Variants in STAT4 observed in about 807,000 individuals in gnomAD.
STAT4 encodes signal transducer and activator of transcription 4.
In STAT4, 42 loss-of-function variants were observed where a neutral mutation model predicts 110.5. That is an observed-to-expected ratio of 0.38 (90% CI 0.30 to 0.49). The LOEUF (loss-of-function observed/expected upper bound fraction) is 0.49. STAT4 is among the 20% of genes least tolerant of loss of function. STAT4 has a pLI of 0.95. For missense variants in STAT4, 632 were observed against 887.9 expected, an observed-to-expected ratio of 0.71 and a Z score of 3.66; for synonymous variants, 284 against 302.2, an observed-to-expected ratio of 0.94 and a Z score of 0.63.
chr2:191,055,476 C>T (rs1559046607), intron 13 of STAT4, among the ~76,000 whole-genome samples: 1 of 148,882 alleles, frequency 6.7e-6, no homozygotes, highest in African/African-American at 2.5e-5. Flanking sequence ...GCCTCGGCCT[C>T]CCAAAGTGCT....
intron 4 of STAT4, among the ~76,000 whole-genome samples, chr2:191,074,481 G>A (rs1411714043): frequency 6.6e-6 from 1 of 152,256 alleles, no homozygotes; most frequent in Admixed American, 6.5e-5. Context: ...GTGGTAGTAT[G>A]TGGTATTAGC....
Position 191,062,965 on chromosome 2 carries a change from T to A in STAT4, c.783-45A>T. ...AATCAAAGATAGTTTTTCCACTTAA[T>A]AATAAAAAAGCATTGTAACAATGGG... On this transcript the variant is annotated intron_variant, in intron 8 of 23. Transcript: ENST00000392320. The surrounding 1 kb of genome is among the most constrained non-coding windows in gnomAD (Gnocchi z 4.9). The A allele has an allele frequency of 6.4e-7, 1 of 1,563,324 alleles. No individual in the cohort carries two copies. The highest frequency in any genetic ancestry group is 8.7e-7 in the Non-Finnish European group (1 of 1,152,586).
At position 191,140,117 on chromosome 2, in the gene STAT4, A is replaced by G. The variant is rs925006545; in HGVS notation, c.273+6496T>C. ...AACTCAACATGGATCAAAGATTTAA[A>G]TCTAAGACCTGAAGCCATAAAAATT... On this transcript the variant is annotated intron_variant, in intron 3 of 23. Coordinates refer to ENST00000392320, the MANE Select transcript of STAT4 (RefSeq NM_003151.4). This position sits in a 1 kb window ranked among gnomAD's most constrained non-coding sequence, Gnocchi z 4.4. 3.3e-5 allele frequency among the ~76,000 whole-genome samples: 5 copies of G among 152,250 alleles called. No homozygotes were observed. Among genetic ancestry groups the G allele is most frequent in the African/African-American group, 1.2e-4 (5 of 41,470 alleles).
Position 191,046,975 on chromosome 2 carries a change from G to A in STAT4, c.1252-5827C>T, listed in dbSNP as rs972546507. On this transcript the variant is annotated intron_variant, in intron 14 of 23. Transcript: ENST00000392320. The surrounding 1 kb of genome is among the most constrained non-coding windows in gnomAD (Gnocchi z 4.6). The stretch of plus-strand genomic sequence containing the variant: ...GCTAGGGGAACCAATCATGTGATTA[G>A]GAGTTGGAACTTCTACCCCACTCCC... Among the ~76,000 whole-genome samples, 1 of 152,134 alleles carries A rather than the reference G, an allele frequency of 6.6e-6. No individual in the cohort carries two copies. The highest frequency in any genetic ancestry group is 1.5e-5 in the Non-Finnish European group (1 of 68,016).
intron 3 of STAT4, among the ~76,000 whole-genome samples, chr2:191,100,989 A>AT (rs142157206): frequency 4.0e-5 from 6 of 150,942 alleles, no homozygotes; most frequent in East Asian, 1.9e-4. Context: ...TAACTATGAC[A>AT]TTTTTTTTTA....
chr2:191,087,637 T>C (rs956544045), intron 3 of STAT4, among the ~76,000 whole-genome samples: 9 of 152,212 alleles, frequency 5.9e-5, no homozygotes, highest in Non-Finnish European at 1.3e-4. Flanking sequence ...GGTCTTGTTA[T>C]GACCAGCTTC....
chr2:191,064,839 T>A lies in STAT4; in HGVS notation c.750A>T (p.Pro250=). 6.2e-7 allele frequency: 1 copy of A among 1,613,318 alleles called. No individual in the cohort carries two copies. The highest frequency in any genetic ancestry group is 8.5e-7 in the Non-Finnish European group (1 of 1,179,660). Residue 250 remains proline, a synonymous_variant, in exon 8 of 24, where the codon CCA becomes CCT. Coordinates refer to ENST00000392320, the MANE Select transcript of STAT4 (RefSeq NM_003151.4). ...GAAGCTGGTCGAGCCCATTGTGGAG[T>A]GGACCCCCGATGCAGGCGATTTGCT... The part of the protein sequence containing the change: ...RRQQIACIGG[P]LHNGLDQLQN...
Position 191,062,931 on chromosome 2 carries a change from G to A in STAT4, c.783-11C>T. 6.2e-7 allele frequency: 1 copy of A among 1,600,294 alleles called. No homozygotes were observed. The highest frequency in any genetic ancestry group is 1.1e-5 in the South Asian group (1 of 88,794). On this transcript the variant is annotated splice_polypyrimidine_tract_variant and intron_variant, in intron 8 of 23. Transcript: ENST00000392320. This position sits in a 1 kb window ranked among gnomAD's most constrained non-coding sequence, Gnocchi z 4.9. ...GCCAATAGTGTAAAGCTATTGAACA[G>A]AAAATGAAAATCAAAGATAGTTTTT...
In STAT4 at chr2:191,039,438, G is replaced by A. The variant is rs1696128570; in HGVS notation, c.1336-141C>T. On this transcript the variant is annotated intron_variant, in intron 15 of 23. Transcript: ENST00000392320. The surrounding 1 kb of genome is among the most constrained non-coding windows in gnomAD (Gnocchi z 4.7). Reference sequence around the variant, plus strand: ...TGATGTCCATGGTGCCCTGGTCACTGAAATGACTTGTGAAGGCCATGGAAC... The same window carrying A: ...TGATGTCCATGGTGCCCTGGTCACTAAAATGACTTGTGAAGGCCATGGAAC... 3 of 677,172 alleles carry A rather than the reference G, an allele frequency of 4.4e-6. No homozygotes were observed. Among genetic ancestry groups the A allele is most frequent in the African/African-American group, 3.5e-5 (2 of 56,536 alleles). 41.9% of individuals were successfully genotyped at this position (677,172 alleles called of 1,614,324 possible).
At chr2:191,078,186 CT>C (rs1397399420) in intron 3 of STAT4, among the ~76,000 whole-genome samples, 3 of 152,056 alleles carry the variant, frequency 2.0e-5, no homozygotes, top group Non-Finnish European at 2.9e-5. Context: ...GATTAGGATC[CT>C]TTTTAGTTCT....
At chr2:191,038,741 C>T (rs1035312506) in intron 16 of STAT4, among the ~76,000 whole-genome samples, 10 of 152,152 alleles carry the variant, frequency 6.6e-5, no homozygotes, top group Non-Finnish European at 1.2e-4. Flanking sequence ...ATCTGTAATC[C>T]ACTTGAAAAT....
chr2:191,032,833 A>G lies in STAT4; in HGVS notation c.2044+125T>C, dbSNP rs1043380200. ...TCATTTCTAAGGCTTTGACCTCCAC[A>G]TGCCCTTAGATCTTACAGAAATCAG... On this transcript the variant is annotated intron_variant, in intron 21 of 23. Coordinates refer to ENST00000392320, the MANE Select transcript of STAT4 (RefSeq NM_003151.4). The surrounding 1 kb of genome is among the most constrained non-coding windows in gnomAD (Gnocchi z 4.9). The G allele has an allele frequency of 8.9e-6, 9 of 1,011,378 alleles. No homozygotes were observed. In the Admixed American group the frequency reaches 1.7e-4, roughly 19 times the overall value. The allele number at this position is 1,011,378 out of a possible 1,614,324, so 62.7% of individuals were successfully genotyped here.
Position 191,146,564 on chromosome 2 carries a change from T to G in STAT4, c.273+49A>C. 7.3e-7 allele frequency: 1 copy of G among 1,371,984 alleles called. No individual in the cohort carries two copies. Among genetic ancestry groups the G allele is most frequent in the Non-Finnish European group, 9.5e-7 (1 of 1,049,390 alleles). The allele number at this position is 1,371,984 out of a possible 1,614,324, so 85.0% of individuals were successfully genotyped here. On this transcript the variant is annotated intron_variant, in intron 3 of 23. Coordinates refer to ENST00000392320, the MANE Select transcript of STAT4 (RefSeq NM_003151.4). The surrounding 1 kb of genome is among the most constrained non-coding windows in gnomAD (Gnocchi z 4.5). ...GTACATATTTAATTTTTAACTAAATTTAAGACTCATATATCCAAATATTTT... is the reference window on the plus strand; with the variant it reads ...GTACATATTTAATTTTTAACTAAATGTAAGACTCATATATCCAAATATTTT...
chr2:191,087,757 C>T (rs1231820371), intron 3 of STAT4, among the ~76,000 whole-genome samples: 2 of 151,974 alleles, frequency 1.3e-5, no homozygotes, highest in African/African-American at 4.8e-5. Flanking sequence ...AAAACAAACC[C>T]ACTAAATTGA....
chr2:191,111,247 T>C (rs1362873531), intron 3 of STAT4, among the ~76,000 whole-genome samples: 1 of 152,220 alleles, frequency 6.6e-6, no homozygotes, highest in Admixed American at 6.5e-5. Context: ...TCCTCTCCTC[T>C]ACTTAACTTC....
At chr2:191,133,521 A>G (rs1027578215) in intron 3 of STAT4, among the ~76,000 whole-genome samples, 2 of 151,622 alleles carry the variant, frequency 1.3e-5, no homozygotes, top group African/African-American at 2.4e-5. Flanking sequence ...CCATCTGCAT[A>G]TATACATGTA....
Position 191,116,350 on chromosome 2 carries a change from C to A in STAT4, c.273+30263G>T, listed in dbSNP as rs976600888. ...CTTGTCAGCTGGTCTTGTGGCTGTG[C>A]AATTACTTTGCAAGCTAAAATTTAG... On this transcript the variant is annotated intron_variant, in intron 3 of 23. Coordinates refer to ENST00000392320, the MANE Select transcript of STAT4 (RefSeq NM_003151.4). This position sits in a 1 kb window ranked among gnomAD's most constrained non-coding sequence, Gnocchi z 4.1. 6.6e-6 allele frequency among the ~76,000 whole-genome samples: 1 copy of A among 152,128 alleles called. No homozygotes were observed. Among genetic ancestry groups the A allele is most frequent in the Admixed American group, 6.6e-5 (1 of 15,264 alleles).
At chr2:191,070,743 T>C (rs1259004290) in intron 5 of STAT4, among the ~76,000 whole-genome samples, 1 of 152,026 alleles carries the variant, frequency 6.6e-6, no homozygotes, top group African/African-American at 2.4e-5. Context: ...ACAAAAAGTA[T>C]AGAATTTGGA....
At position 191,146,641 on chromosome 2, in the gene STAT4, T is replaced by C. The variant is rs777271668; in HGVS notation, c.245A>G (p.Asn82Ser). The change falls in exon 3 of 24, where the codon AAT (asparagine) becomes AGT (serine). Residue 82 changes from asparagine to serine, a missense_variant. By Grantham distance (46) the Asn-to-Ser change is conservative. Around this residue, in one of 4 missense-constraint regions of STAT4, gnomAD observed 488 missense variants for 632.8 expected, o/e 0.77. Coordinates refer to ENST00000392320, the MANE Select transcript of STAT4 (RefSeq NM_003151.4). This position sits in a 1 kb window ranked among gnomAD's most constrained non-coding sequence, Gnocchi z 4.5. ...AAGGACCTTCCTAATTCTTTTTAGA[T>C]TGTGTATCAAGAGTAGGTTTTTCTC... is the stretch of plus-strand genomic sequence containing the variant. ...SKEKNLLLIH[N>S]LKRIRKVLQG... 1 of 1,571,718 alleles carries C rather than the reference T, an allele frequency of 6.4e-7. No individual in the cohort carries two copies.
Sources: gnomAD v4.1 joint callset for allele counts (sites outside exome capture counted in the v4.1 genomes callset) on GRCh38, gnomAD v4.1.1 for gene constraint, gnomAD v4.1.1 regional missense constraint, Gnocchi (gnomAD v3.1) non-coding constraint, MANE v1.5 for transcripts, NCBI Gene and HGNC (gene_info 2026-07-23, HGNC 2026-07-21) for gene names.